CRYBA4: variants seen among roughly 807,000 people sequenced by gnomAD.
CRYBA4 encodes crystallin beta A4.
CRYBA4 carries 30 observed loss-of-function variants against 31.7 expected under a neutral mutation model. The ratio of observed to expected loss-of-function variants is 0.95; its 90% CI spans 0.71 to 1.28. The LOEUF is 1.28. CRYBA4 is among the 50% of genes most tolerant of loss of function. The pLI is 0.00. For missense variants in CRYBA4, 225 were observed against 260.7 expected (o/e 0.86, Z 0.94); for synonymous variants, 102 against 102.3 (o/e 1.00, Z 0.02).
the CRYBA4 span, chr22:26,602,128 G>C: frequency 1.4e-6 from 2 of 1,411,386 alleles, no homozygotes; most frequent in South Asian, 1.2e-5. Flanking sequence ...GCCTGTTCAG[G>C]CTGCTGGGGG....
At chr22:26,602,436 T>C in the CRYBA4 span, among the ~76,000 whole-genome samples, 2 of 151,814 alleles carry the variant, frequency 1.3e-5, no homozygotes, top group African/African-American at 4.8e-5. Flanking sequence ...ATAATTTTTT[T>C]TTTAATTTGC....
intron 1 of CRYBA4, among the ~76,000 whole-genome samples, chr22:26,622,202 C>T (rs1179796401): frequency 6.6e-6 from 1 of 152,082 alleles, no homozygotes; most frequent in Non-Finnish European, 1.5e-5. Flanking sequence ...AAATTTCCAC[C>T]ATCAGAGCTA....
At chr22:26,615,470 T>G in the CRYBA4 span, among the ~76,000 whole-genome samples, 1 of 152,210 alleles carries the variant, frequency 6.6e-6, no homozygotes, top group Non-Finnish European at 1.5e-5. Flanking sequence ...ATGGTTTGGT[T>G]GTTGTTATTG....
chr22:26,609,593 T>C, the CRYBA4 span, among the ~76,000 whole-genome samples: 1 of 152,090 alleles, frequency 6.6e-6, no homozygotes, highest in Non-Finnish European at 1.5e-5. Context: ...GGAGAACACA[T>C]GGTGGGTACG....
chr22:26,630,234 C>T, intron 5 of CRYBA4, 106 bp from the exon 6 acceptor site: 1 of 1,453,334 alleles, frequency 6.9e-7, no homozygotes, highest in Non-Finnish European at 9.5e-7. Context: ...TGAAGAAAGG[C>T]CAGGATGGCT....
At chr22:26,621,714 C>G (rs1929537665), upstream of CRYBA4, among the ~76,000 whole-genome samples, 1 of 152,186 alleles carries the variant, frequency 6.6e-6, no homozygotes, top group South Asian at 2.1e-4. Context: ...CTGCTCTAGT[C>G]AGGAACCTTG....
At chr22:26,600,114 T>A in the CRYBA4 span, among the ~76,000 whole-genome samples, 2 of 152,030 alleles carry the variant, frequency 1.3e-5, no homozygotes, top group Admixed American at 1.3e-4. Flanking sequence ...AAAAATTGGT[T>A]TTCTTGGCTG....
At chr22:26,607,918 G>A in the CRYBA4 span, 43 of 1,614,200 alleles carry the variant, frequency 2.7e-5, no homozygotes, top group South Asian at 2.2e-4. Flanking sequence ...GACATGAGCC[G>A]ATCACTGCGG....
At chr22:26,612,573 G>A in the CRYBA4 span, among the ~76,000 whole-genome samples, 58 of 152,280 alleles carry the variant, frequency 3.8e-4, no homozygotes, top group African/African-American at 1.2e-3. Flanking sequence ...GGCTGGTCTC[G>A]AATTCCTGAG....
At chr22:26,590,280 C>A in the CRYBA4 span, 1 of 151,470 alleles carries the variant, frequency 6.6e-6, no homozygotes, top group Non-Finnish European at 1.5e-5. Context: ...GGAGGCTCGC[C>A]CCGGGAACCC....
the CRYBA4 span, among the ~76,000 whole-genome samples, chr22:26,609,631 T>G: frequency 6.6e-6 from 1 of 152,020 alleles, no homozygotes; most frequent in Non-Finnish European, 1.5e-5. Context: ...TGGATGTATG[T>G]ATGGATAGAT....
chr22:26,605,671 CAAAAAAAAA>C, the CRYBA4 span, among the ~76,000 whole-genome samples: 2 of 54,202 alleles, frequency 3.7e-5, no homozygotes, highest in East Asian at 5.9e-4. Flanking sequence ...AGATGTGTCT[CAAAAAAAAA>C]AAAAAAAAAA....
upstream of CRYBA4, among the ~76,000 whole-genome samples, chr22:26,621,703 C>T (rs899616232): frequency 2.0e-5 from 3 of 152,212 alleles, no homozygotes; most frequent in African/African-American, 2.4e-5. Flanking sequence ...TGCTCATTCT[C>T]CTGCTCTAGT....
chr22:26,602,393 G>A, the CRYBA4 span, among the ~76,000 whole-genome samples: 2 of 151,924 alleles, frequency 1.3e-5, no homozygotes, highest in Non-Finnish European at 2.9e-5. Flanking sequence ...AGACCAGCCT[G>A]GGCAACATAG....
the CRYBA4 span, among the ~76,000 whole-genome samples, chr22:26,607,016 C>A: frequency 7.1e-6 from 1 of 140,924 alleles, no homozygotes; most frequent in African/African-American, 2.6e-5. Flanking sequence ...CAGTATCCCT[C>A]TCCTTTTTTT....
chr22:26,612,228 G>C, the CRYBA4 span: 2 of 1,403,406 alleles, frequency 1.4e-6, no homozygotes, highest in Non-Finnish European at 1.0e-6. Flanking sequence ...GGCAGAGTGA[G>C]GGGGGAGTCA....
chr22:26,607,793 C>T, the CRYBA4 span: 1 of 1,565,248 alleles, frequency 6.4e-7, no homozygotes, highest in Non-Finnish European at 8.8e-7. Context: ...CCTCCCTACC[C>T]ACCATCATCT....
chr22:26,612,190 G>A, the CRYBA4 span: 4 of 1,609,130 alleles, frequency 2.5e-6, no homozygotes, highest in East Asian at 2.2e-5. Flanking sequence ...AAGACCACCA[G>A]CTGCAGGAGA....
At chr22:26,591,130 G>A in the CRYBA4 span, among the ~76,000 whole-genome samples, 1 of 152,170 alleles carries the variant, frequency 6.6e-6, no homozygotes, top group Non-Finnish European at 1.5e-5. Flanking sequence ...CTAGCACTTT[G>A]GGAGGCGAGG....
Sources: gnomAD v4.1 joint callset for allele counts (sites outside exome capture counted in the v4.1 genomes callset) on GRCh38, gnomAD v4.1.1 for gene constraint, MANE v1.5 for transcripts, NCBI Gene and HGNC (gene_info 2026-07-23, HGNC 2026-07-21) for gene names.